Variants in PDE4B observed in about 807,000 individuals in gnomAD.
PDE4B encodes phosphodiesterase 4B, also known as 3',5'-cyclic-AMP phosphodiesterase 4B.
PDE4B carries 20 observed loss-of-function variants against 82.2 expected under a neutral mutation model. The ratio of observed to expected loss-of-function variants is 0.24; its 90% CI spans 0.17 to 0.35. The LOEUF is 0.35. Among genes scored for constraint, PDE4B ranks in the 10% least tolerant of loss-of-function variants. PDE4B has a pLI of 1.00. For missense variants in PDE4B, 655 were observed against 907.2 expected (o/e 0.72, Z 3.57); for synonymous variants, 320 against 318.9 (o/e 1.00, Z -0.04).
At chr1:65,884,005 GC>G (rs1262210336) in intron 1 of PDE4B, among the ~76,000 whole-genome samples, 1 of 152,164 alleles carries the variant, frequency 6.6e-6, no homozygotes, top group African/African-American at 2.4e-5. Flanking sequence ...CAGGGATGAA[GC>G]CCACTTGATC....
intron 10 of PDE4B, among the ~76,000 whole-genome samples, chr1:66,362,489 A>G (rs901530760): frequency 6.6e-6 from 1 of 152,202 alleles, no homozygotes; most frequent in Non-Finnish European, 1.5e-5. Flanking sequence ...TTGATTAAAC[A>G]TTAGGCCAAG....
chr1:66,371,625 A>G (rs753683994), intron 16 of PDE4B, among the ~76,000 whole-genome samples: 6 of 152,168 alleles, frequency 3.9e-5, no homozygotes, highest in Non-Finnish European at 8.8e-5. Flanking sequence ...AAACAATTGC[A>G]TGGATGTCCA....
chr1:66,092,656 A>G (rs1196655707), intron 3 of PDE4B, among the ~76,000 whole-genome samples: 1 of 152,102 alleles, frequency 6.6e-6, no homozygotes, highest in Non-Finnish European at 1.5e-5. Context: ...CCACGAGTTT[A>G]ACAAAGAAAC....
chr1:66,148,955 C>G (rs1001425428), intron 3 of PDE4B, among the ~76,000 whole-genome samples: 4 of 152,182 alleles, frequency 2.6e-5, no homozygotes, highest in Non-Finnish European at 5.9e-5. Flanking sequence ...ATGAACAATG[C>G]TGTTATGAGC....
In PDE4B at chr1:65,843,233, A is replaced by G. The variant is rs183073855; in HGVS notation, c.-71+49985A>G. ...AGTTTCCAGAAAGAGTGAGGCTGAG[A>G]AGGCCCAGCTTCCAACACACGAGAG... On this transcript the variant is annotated intron_variant, in intron 1 of 16. Coordinates refer to ENST00000341517, the MANE Select transcript of PDE4B (RefSeq NM_002600.4). Among the ~76,000 whole-genome samples the G allele has an allele frequency of 4.1e-4, 62 of 152,256 alleles. 3 individuals are homozygous for G. The highest frequency in any genetic ancestry group is 1.4e-3 in the African/African-American group (59 of 41,562).
At chr1:65,864,010 AT>A (rs1441618409) in intron 1 of PDE4B, among the ~76,000 whole-genome samples, 1 of 151,866 alleles carries the variant, frequency 6.6e-6, no homozygotes, top group African/African-American at 2.4e-5. Context: ...GATTAATATT[AT>A]TATGTGTGAA....
At position 66,148,780 on chromosome 1, in the gene PDE4B, C is replaced by T. The variant is rs1570345028; in HGVS notation, c.282-98680C>T. 2.6e-5 allele frequency among the ~76,000 whole-genome samples: 4 copies of T among 152,228 alleles called. 2 individuals are homozygous for T. The South Asian group carries it at 8.3e-4, about 32-fold the overall frequency. Reference sequence around the variant, plus strand: ...ACAGTATGTGATCTTTTGTGATTGACTTCTTTCATTTAGCATAATGTTTTT... The same window carrying T: ...ACAGTATGTGATCTTTTGTGATTGATTTCTTTCATTTAGCATAATGTTTTT... On this transcript the variant is annotated intron_variant, in intron 3 of 16. Transcript: ENST00000341517.
chr1:65,811,608 T>C (rs1645821645), intron 1 of PDE4B, among the ~76,000 whole-genome samples: 1 of 152,224 alleles, frequency 6.6e-6, no homozygotes, highest in African/African-American at 2.4e-5. Context: ...TTTGACCTAT[T>C]TGATTTCCTC....
chr1:66,276,082 G>C (rs1464859758), intron 7 of PDE4B, among the ~76,000 whole-genome samples: 1 of 152,108 alleles, frequency 6.6e-6, no homozygotes, highest in Non-Finnish European at 1.5e-5. Flanking sequence ...GGTCTAGTCT[G>C]GCTAGCACTG....
intron 3 of PDE4B, among the ~76,000 whole-genome samples, chr1:65,972,110 A>G (rs1388522175): frequency 6.6e-6 from 1 of 152,114 alleles, no homozygotes. Flanking sequence ...CATTTATTGG[A>G]TTTTATGTTT....
chr1:66,111,352 C>A (rs1323319266), intron 3 of PDE4B, among the ~76,000 whole-genome samples: 1 of 152,036 alleles, frequency 6.6e-6, no homozygotes, highest in African/African-American at 2.4e-5. Flanking sequence ...CCCATCATGA[C>A]CATCCATCTC....
intron 16 of PDE4B, among the ~76,000 whole-genome samples, chr1:66,371,133 T>A (rs969004178): frequency 6.3e-5 from 8 of 127,106 alleles, no homozygotes; most frequent in Non-Finnish European, 6.6e-5. Context: ...TATATATATA[T>A]AATTTTATTT....
At chr1:66,074,729 T>C (rs1656330193) in intron 3 of PDE4B, among the ~76,000 whole-genome samples, 2 of 152,136 alleles carry the variant, frequency 1.3e-5, no homozygotes, top group Admixed American at 6.6e-5. Flanking sequence ...AATGAAATCA[T>C]ATAATATGTG....
At chr1:66,165,387 C>A (rs1336742560) in intron 3 of PDE4B, among the ~76,000 whole-genome samples, 1 of 151,990 alleles carries the variant, frequency 6.6e-6, no homozygotes, top group Non-Finnish European at 1.5e-5. Context: ...TCTCAGGAAA[C>A]TCAAAGAAAT....
intron 3 of PDE4B, among the ~76,000 whole-genome samples, chr1:66,217,902 T>A (rs1650626670): frequency 6.6e-6 from 1 of 152,106 alleles, no homozygotes; most frequent in Admixed American, 6.6e-5. Flanking sequence ...CATTGAGAAC[T>A]TTTACTGGCT....
rs1020208419 is a variant in PDE4B, at chr1:66,261,631, C to G, written c.584+3768C>G. Among the ~76,000 whole-genome samples the G allele has an allele frequency of 8.5e-5, 13 of 152,198 alleles. No individual in the cohort carries two copies. The East Asian group carries it at 2.5e-3, about 29-fold the overall frequency. ...AGTCAAGATTTCTTTTATCTTTTGG[C>G]TCTTTGCTGTGCATAAAAGCAGTCC... On this transcript the variant is annotated intron_variant, in intron 6 of 16. Coordinates refer to ENST00000341517, the MANE Select transcript of PDE4B (RefSeq NM_002600.4).
At chr1:66,334,028 T>G (rs1660322534) in intron 8 of PDE4B, among the ~76,000 whole-genome samples, 1 of 152,206 alleles carries the variant, frequency 6.6e-6, no homozygotes, top group South Asian at 2.1e-4. Context: ...GCTGTGTAAC[T>G]TCTCCAAATC....
At chr1:65,877,623 A>G (rs921583316) in intron 1 of PDE4B, among the ~76,000 whole-genome samples, 1 of 148,352 alleles carries the variant, frequency 6.7e-6, no homozygotes, top group Non-Finnish European at 1.5e-5. Flanking sequence ...TAAAAAATAA[A>G]TAAATAAATA....
At chr1:65,897,250 A>G (rs1427706143) in intron 1 of PDE4B, among the ~76,000 whole-genome samples, 1 of 152,148 alleles carries the variant, frequency 6.6e-6, no homozygotes, top group African/African-American at 2.4e-5. Context: ...AATTGCAGAG[A>G]CCTTACCTGT....
Sources: gnomAD v4.1 joint callset for allele counts (sites outside exome capture counted in the v4.1 genomes callset) on GRCh38, gnomAD v4.1.1 for gene constraint, MANE v1.5 for transcripts, NCBI Gene and HGNC (gene_info 2026-07-23, HGNC 2026-07-21) for gene names.